DCTN2: variants seen among roughly 807,000 people sequenced by gnomAD.
DCTN2 encodes 50 kDa dynein-associated polypeptide.
In DCTN2, 18 loss-of-function variants were observed where a neutral mutation model predicts 55.4. That is an observed-to-expected ratio of 0.32 (90% CI 0.22 to 0.48). DCTN2 has a LOEUF of 0.48. DCTN2 is among the 20% of genes least tolerant of loss of function. The pLI is 0.99. For synonymous variants in DCTN2, 168 were observed against 185.2 expected (o/e 0.91, Z 0.76); for missense variants, 390 against 491.0 (o/e 0.79, Z 1.94).
intron 5 of DCTN2, 161 bp from the exon 6 acceptor site, chr12:57,534,613 C>A (rs545048390): frequency 3.3e-6 from 2 of 612,876 alleles, no homozygotes; most frequent in East Asian, 6.0e-5. Context: ...CAGATGGATG[C>A]ATATTTGTAA....
chr12:57,547,115 G>C lies in DCTN2; in HGVS notation c.-52C>G, dbSNP rs1881243522. 1 of 1,249,882 alleles carries C rather than the reference G, an allele frequency of 8.0e-7. No individual in the cohort carries two copies. The highest frequency in any genetic ancestry group is 1.0e-6 in the Non-Finnish European group (1 of 987,098). 77.4% of individuals were successfully genotyped at this position (1,249,882 alleles called of 1,614,324 possible). On this transcript the variant is annotated 5_prime_UTR_variant, in exon 1 of 14. Coordinates refer to ENST00000548249, the MANE Select transcript of DCTN2 (RefSeq NM_001261413.2). ...CCGGGCCTCGGTGGAGCCGGGGCCG[G>C]TGTTCGGGTAGGGGAGAGGCTGGGT... is the stretch of plus-strand genomic sequence containing the variant.
intron 6 of DCTN2, 95 bp downstream of exon 6, chr12:57,534,197 C>T (rs1486126231): frequency 6.6e-7 from 1 of 1,523,990 alleles, no homozygotes; most frequent in Non-Finnish European, 8.8e-7. Context: ...AACATCTAAG[C>T]CACTTCTCTG....
chr12:57,532,071 T>C lies in DCTN2; in HGVS notation c.1063A>G (p.Thr355Ala). ...QFGQLLTHLD[T>A]TQQMIANSLK... ...GAATTAGCAATCATCTGCTGGGTGG[T>C]ATCCAAGTGTGTCAGGAGCTGACCA... Residue 355 changes from threonine to alanine, a missense_variant, in exon 13 of 14, where the codon ACC becomes GCC. Transcript: ENST00000548249. 1 of 1,565,140 alleles carries C rather than the reference T, an allele frequency of 6.4e-7. No homozygotes were observed. The highest frequency in any genetic ancestry group is 8.7e-7 in the Non-Finnish European group (1 of 1,154,020).
intron 6 of DCTN2, 43 bp downstream of exon 6, chr12:57,534,249 A>G (rs1880024359): frequency 1.3e-6 from 2 of 1,545,482 alleles, no homozygotes; most frequent in East Asian, 2.3e-5. Flanking sequence ...GTCCATCCAC[A>G]ACCCCAGTCA....
At position 57,534,028 on chromosome 12, in the gene DCTN2, G is replaced by T; in HGVS notation, c.594C>A (p.Thr198=). 2 of 1,613,334 alleles carry T rather than the reference G, an allele frequency of 1.2e-6. No individual in the cohort carries two copies. The highest frequency in any genetic ancestry group is 1.7e-6 in the Non-Finnish European group (2 of 1,179,618). Residue 198 remains threonine, a synonymous_variant, in exon 7 of 14, where the codon ACC becomes ACA. Transcript: ENST00000548249. ...AAGTGACAAGGCTGCTATCTGGGGG[G>T]GTCCCAGTGGTTTTTCCCCCTGATC... ...KGGSGGKTTG[T]PPDSSLVTYE...
intron 2 of DCTN2, 75 bp from the exon 3 acceptor site, chr12:57,535,920 CA>C: frequency 1.7e-6 from 2 of 1,199,112 alleles, no homozygotes; most frequent in Non-Finnish European, 2.4e-6. Context: ...ACAAAATCCC[CA>C]AACCATTAGG....
At chr12:57,542,491 G>A (rs985547502) in intron 2 of DCTN2, among the ~76,000 whole-genome samples, 1 of 152,148 alleles carries the variant, frequency 6.6e-6, no homozygotes, top group African/African-American at 2.4e-5. Flanking sequence ...GAGCAGTGAG[G>A]GTCAACACAA....
At chr12:57,543,536 C>T (rs193154490) in intron 2 of DCTN2, among the ~76,000 whole-genome samples, 3 of 152,228 alleles carry the variant, frequency 2.0e-5, no homozygotes, top group East Asian at 3.9e-4. Flanking sequence ...CACTGCTCCT[C>T]AAATTGCATA....
At chr12:57,532,413 GGCA>G (rs1398280419) in intron 11 of DCTN2, 98 bp from the exon 12 acceptor site, 2 of 1,356,570 alleles carry the variant, frequency 1.5e-6, no homozygotes, top group Non-Finnish European at 2.1e-6. Flanking sequence ...GGATCAAGTG[GGCA>G]GAGGGAAGCA....
chr12:57,545,425 C>T (rs1881067757), intron 2 of DCTN2, among the ~76,000 whole-genome samples: 1 of 152,116 alleles, frequency 6.6e-6, no homozygotes, highest in African/African-American at 2.4e-5. Context: ...ACTCAATAAA[C>T]CATACTAAAT....
In DCTN2 at chr12:57,545,959, A is replaced by T. The variant is rs933113996; in HGVS notation, c.105+69T>A. On this transcript the variant is annotated intron_variant, in intron 2 of 13. Transcript: ENST00000548249. ...CGCTTATTGCTGTAGCTCCCCCGAG[A>T]AAGGGAAGGACCTGTCTAGGGGAGA... 3 of 1,527,856 alleles carry T rather than the reference A, an allele frequency of 2.0e-6. No homozygotes were observed. The African/African-American group carries it at 4.1e-5, about 21-fold the overall frequency. 94.6% of individuals were successfully genotyped at this position (1,527,856 alleles called of 1,614,324 possible). A position where few individuals can be genotyped will look rare whatever the true frequency, so the allele number is the denominator to read the frequency against.
Position 57,533,758 on chromosome 12 carries a change from A to G in DCTN2, c.669+195T>C, listed in dbSNP as rs562477927. ...TGCACTCCAGCCTGGGAAACAGTGC[A>G]AGACTCCGTCTCAAAAAAAAAAAAA... On this transcript the variant is annotated intron_variant, in intron 7 of 13. Coordinates refer to ENST00000548249, the MANE Select transcript of DCTN2 (RefSeq NM_001261413.2). Among the ~76,000 whole-genome samples, 82 of 134,592 alleles carry G rather than the reference A, an allele frequency of 6.1e-4. 1 individual carries two copies. The highest frequency in any genetic ancestry group is 3.6e-3 in the Middle Eastern group (1 of 276). The allele number at this position is 134,592 out of a possible 152,430, so 88.3% of individuals were successfully genotyped here.
chr12:57,544,994 C>T (rs1881027831), intron 2 of DCTN2, among the ~76,000 whole-genome samples: 1 of 152,180 alleles, frequency 6.6e-6, no homozygotes, highest in Non-Finnish European at 1.5e-5. Context: ...ATGTAAGAAC[C>T]ACTTCCACAT....
At chr12:57,545,809 GT>G (rs1397516389) in intron 2 of DCTN2, among the ~76,000 whole-genome samples, 1 of 152,078 alleles carries the variant, frequency 6.6e-6, no homozygotes, top group African/African-American at 2.4e-5. Flanking sequence ...GCAAACAGAT[GT>G]TGTTAGCTGT....
At chr12:57,542,296 G>T (rs1279165819) in intron 2 of DCTN2, among the ~76,000 whole-genome samples, 1 of 151,568 alleles carries the variant, frequency 6.6e-6, no homozygotes, top group African/African-American at 2.4e-5. Context: ...AAAAATTCAC[G>T]ATCATCTGTA....
At chr12:57,546,182 G>A in intron 1 of DCTN2, 86 bp from the exon 2 acceptor site, 1 of 1,296,942 alleles carries the variant, frequency 7.7e-7, no homozygotes, top group Admixed American at 1.7e-5. Context: ...TAAGCTAACA[G>A]AGAAGGCGGG....
rs780119224 is a variant in DCTN2 at position 57,534,502 on chromosome 12, A to C, written c.364-50T>G. On this transcript the variant is annotated intron_variant, in intron 5 of 13. Transcript: ENST00000548249. ...GGGGGATGGCAAGAATGAATCAAGAAGCAAAAAAATAGGTCAAGCCCTTTA... is the reference window on the plus strand; with the variant it reads ...GGGGGATGGCAAGAATGAATCAAGACGCAAAAAAATAGGTCAAGCCCTTTA... 23 of 1,550,440 alleles carry C rather than the reference A, an allele frequency of 1.5e-5. No individual in the cohort carries two copies. The South Asian group carries it at 2.3e-4, about 15-fold the overall frequency.
intron 11 of DCTN2, 114 bp downstream of exon 11, chr12:57,532,458 C>T: frequency 3.0e-6 from 4 of 1,345,750 alleles, no homozygotes; most frequent in Non-Finnish European, 4.3e-6. Context: ...ATAAGCTCTT[C>T]ATAAGAGCTT....
intron 2 of DCTN2, among the ~76,000 whole-genome samples, chr12:57,536,236 A>C (rs1451162839): frequency 6.6e-6 from 1 of 152,238 alleles, no homozygotes; most frequent in African/African-American, 2.4e-5. Flanking sequence ...CCGCTGAGCA[A>C]GTCCATTTTA....
Sources: allele counts gnomAD v4.1 joint callset (sites outside exome capture counted in the v4.1 genomes callset), GRCh38; gene constraint gnomAD v4.1.1; transcripts MANE v1.5; gene names NCBI Gene and HGNC (gene_info 2026-07-23, HGNC 2026-07-21).